CALY: variants seen among roughly 807,000 people sequenced by gnomAD.
The protein encoded by CALY is neuron-specific vesicular protein calcyon.
CALY carries 15 observed loss-of-function variants against 20.2 expected under a neutral mutation model. That is an observed-to-expected ratio of 0.74 (90% CI 0.50 to 1.14). CALY has a LOEUF of 1.14. Among genes scored for constraint, CALY ranks in the 50% most tolerant of loss-of-function variants. The pLI, the probability that CALY is intolerant of heterozygous loss-of-function variation, is 0.00. For synonymous variants in CALY, 129 were observed against 131.8 expected (o/e 0.98, Z 0.15); for missense variants, 270 against 304.4 (o/e 0.89, Z 0.84).
At position 133,324,265 on chromosome 10, in the gene CALY, C is replaced by T. The variant is rs1247723179; in HGVS notation, c.*1330G>A. 3 of 447,148 alleles carry T rather than the reference C, an allele frequency of 6.7e-6. No individual in the cohort carries two copies. The highest frequency in any genetic ancestry group is 3.1e-5 in the South Asian group (2 of 63,640). 27.7% of individuals were successfully genotyped at this position (447,148 alleles called of 1,614,324 possible). On this transcript the variant is annotated 3_prime_UTR_variant, in exon 6 of 6. Coordinates refer to ENST00000252939, the MANE Select transcript of CALY (RefSeq NM_015722.4). Reference sequence around the variant, plus strand: ...GCAGTGAAGGGTGTGGTGTGCATGGCCCTGCCTTCCCTGACCCCACCTGGC... The same window carrying T: ...GCAGTGAAGGGTGTGGTGTGCATGGTCCTGCCTTCCCTGACCCCACCTGGC...
Position 133,332,035 on chromosome 10 carries a change from G to A in CALY, c.-20-3026C>T, listed in dbSNP as rs1334983407. On this transcript the variant is annotated intron_variant, in intron 1 of 5. Transcript: ENST00000252939. ...CCAGAATCTCGGGAGGCTGAGGCAG[G>A]AGAATCCCTTGAACCTGGGAGGCAG... 4.6e-5 allele frequency among the ~76,000 whole-genome samples: 7 copies of A among 152,202 alleles called. No individual in the cohort carries two copies. The South Asian group carries it at 6.2e-4, about 14-fold the overall frequency.
intron 3 of CALY, 23 bp downstream of exon 3, chr10:133,327,882 G>C (rs1235389468): frequency 6.8e-7 from 1 of 1,469,952 alleles, no homozygotes; most frequent in South Asian, 1.2e-5. Flanking sequence ...AGTCCCCACA[G>C]TGGGTGGGGT....
chr10:133,328,717 G>A (rs976812935), intron 2 of CALY, 138 bp downstream of exon 2: 23 of 994,398 alleles, frequency 2.3e-5, no homozygotes, highest in Middle Eastern at 3.3e-4. Flanking sequence ...TGGCCAGCTG[G>A]GGCTTTGGCC....
chr10:133,329,389 C>CTTTTTTTTTTTTTTTT (rs1325679515), intron 1 of CALY, among the ~76,000 whole-genome samples: 20 of 99,608 alleles, frequency 2.0e-4, no homozygotes, highest in African/African-American at 7.7e-4. Context: ...TCTTCTTCTT[C>CTTTTTTTTTTTTTTTT]TTCTTTTTTT....
chr10:133,333,483 G>A (rs866184659), intron 1 of CALY, among the ~76,000 whole-genome samples: 3 of 149,142 alleles, frequency 2.0e-5, no homozygotes, highest in African/African-American at 5.0e-5. Flanking sequence ...TATGACGCGG[G>A]GGGAAGGATC....
At chr10:133,327,066 G>A (rs1848226624) in intron 3 of CALY, 75 bp from the exon 4 acceptor site, 1 of 1,001,358 alleles carries the variant, frequency 1.0e-6, no homozygotes, top group East Asian at 2.5e-5. Flanking sequence ...CAGGGGCTGG[G>A]CTGGCACAGG....
In CALY at chr10:133,327,885, G is replaced by T; in HGVS notation, c.246+20C>A. On this transcript the variant is annotated intron_variant, in intron 3 of 5. Transcript: ENST00000252939. ...CCTCCTGTCCTGAGTCCCCACAGTG[G>T]GTGGGGTGGGTGTGGTTACCCTGCG... The T allele has an allele frequency of 3.4e-6, 5 of 1,483,972 alleles. No homozygotes were observed. The highest frequency in any genetic ancestry group is 4.7e-6 in the Non-Finnish European group (5 of 1,063,662). The allele number at this position is 1,483,972 out of a possible 1,614,324, so 91.9% of individuals were successfully genotyped here.
chr10:133,335,342 C>T (rs1848420974), intron 1 of CALY, among the ~76,000 whole-genome samples: 1 of 152,158 alleles, frequency 6.6e-6, no homozygotes, highest in African/African-American at 2.4e-5. Flanking sequence ...CCCCGGAGGG[C>T]CCGCGCCAGG....
chr10:133,331,660 A>T (rs1205193534), intron 1 of CALY, among the ~76,000 whole-genome samples: 19 of 152,308 alleles, frequency 1.2e-4, no homozygotes, highest in Admixed American at 1.2e-3. Context: ...TAAATGGGGA[A>T]GGCTGTGGCT....
chr10:133,331,981 G>A (rs1194196432), intron 1 of CALY, among the ~76,000 whole-genome samples: 1 of 152,122 alleles, frequency 6.6e-6, no homozygotes, highest in African/African-American at 2.4e-5. Context: ...ACAAAAACTA[G>A]CCGGGCATGG....
At chr10:133,328,376 G>A (rs1386353430) in intron 2 of CALY, among the ~76,000 whole-genome samples, 1 of 152,164 alleles carries the variant, frequency 6.6e-6, no homozygotes, top group Non-Finnish European at 1.5e-5. Context: ...ACCTCCAGCA[G>A]GGACAACTCG....
intron 3 of CALY, chr10:133,327,521 T>C (rs1375064268): frequency 5.3e-6 from 3 of 571,188 alleles, no homozygotes; most frequent in East Asian, 5.7e-5. Flanking sequence ...CATTGACAGA[T>C]TTAAACAAGA....
Position 133,325,792 on chromosome 10 carries a change from C to A in CALY, c.*28+7G>T. 8.7e-7 allele frequency: 1 copy of A among 1,147,718 alleles called. No individual in the cohort carries two copies. The highest frequency in any genetic ancestry group is 4.4e-5 in the South Asian group (1 of 22,944). 71.1% of individuals were successfully genotyped at this position (1,147,718 alleles called of 1,614,324 possible). A position where few individuals can be genotyped will look rare whatever the true frequency, so the allele number is the denominator to read the frequency against. ...GAGCCGGCCGGAGCCCCGCGGCGCGCACCTACCCCGGGCCGGGCTGCGGGG... is the reference window on the plus strand; with the variant it reads ...GAGCCGGCCGGAGCCCCGCGGCGCGAACCTACCCCGGGCCGGGCTGCGGGG... On this transcript the variant is annotated splice_region_variant and intron_variant, in intron 5 of 5. Coordinates refer to ENST00000252939, the MANE Select transcript of CALY (RefSeq NM_015722.4).
At chr10:133,330,020 G>A (rs945301463) in intron 1 of CALY, among the ~76,000 whole-genome samples, 1 of 152,248 alleles carries the variant, frequency 6.6e-6, no homozygotes, top group African/African-American at 2.4e-5. Flanking sequence ...GGGGCTGGGA[G>A]AGGGCGGGCC....
intron 2 of CALY, 145 bp downstream of exon 2, chr10:133,328,710 C>T: frequency 1.1e-6 from 1 of 935,552 alleles, no homozygotes; most frequent in Non-Finnish European, 1.5e-6. Context: ...GTGCCCATGG[C>T]CAGCTGGGGC....
chr10:133,329,252 C>A (rs949846794), intron 1 of CALY, among the ~76,000 whole-genome samples: 7 of 152,224 alleles, frequency 4.6e-5, no homozygotes, highest in African/African-American at 1.7e-4. Flanking sequence ...GGGTACAGCG[C>A]CCCAACCAGT....
chr10:133,325,942 G>C lies in CALY; in HGVS notation c.539C>G (p.Thr180Ser), dbSNP rs1045237213. The C allele has an allele frequency of 2.8e-6, 4 of 1,451,104 alleles. No individual in the cohort carries two copies. The African/African-American group carries it at 5.9e-5, about 21-fold the overall frequency. 89.9% of individuals were successfully genotyped at this position (1,451,104 alleles called of 1,614,324 possible). Residue 180 changes from threonine (T) to serine (S), a missense_variant, in exon 5 of 6, where the codon ACC becomes AGC. Thr to Ser is a moderately conservative substitution (Grantham distance 58). Coordinates refer to ENST00000252939, the MANE Select transcript of CALY (RefSeq NM_015722.4). ...GGCCGCCGCCGCCGCCCCAGCCTGGGTGGGCCCCTTGCGCTCCTCCTTGGC... is the reference window on the plus strand; with the variant it reads ...GGCCGCCGCCGCCGCCCCAGCCTGGCTGGGCCCCTTGCGCTCCTCCTTGGC... ...RAAKEERKGPTQAGAAAAATE... is the reference protein window; with the variant it reads ...RAAKEERKGPSQAGAAAAATE...
At position 133,331,606 on chromosome 10, in the gene CALY, G is replaced by A. The variant is rs114544876; in HGVS notation, c.-20-2597C>T. Among the ~76,000 whole-genome samples, 589 of 152,268 alleles carry A rather than the reference G, an allele frequency of 3.9e-3. 5 individuals carry two copies. Among genetic ancestry groups the A allele is most frequent in the African/African-American group, 0.014 (568 of 41,534 alleles). ...GGGCAGGGCCTTCACATGGAATCCA[G>A]GAAACACTGTCGACAGAGACCAAGA... On this transcript the variant is annotated intron_variant, in intron 1 of 5. Coordinates refer to ENST00000252939, the MANE Select transcript of CALY (RefSeq NM_015722.4).
rs138631375 is a variant in CALY, at chr10:133,326,944, G to A, written c.294C>T (p.Cys98=). 2.1e-3 allele frequency: 3,410 copies of A among 1,611,238 alleles called. 9 individuals carry two copies. Among genetic ancestry groups the A allele is most frequent in the Middle Eastern group, 0.015 (90 of 6,056 alleles). The change falls in exon 4 of 6, where the codon TGC becomes TGT. Residue 98 remains cysteine (C), a synonymous_variant. Coordinates refer to ENST00000252939, the MANE Select transcript of CALY (RefSeq NM_015722.4). ...MIAFAMALLG[C]VLIMYKAIWY... ...AGATGGCCTTGTACATGATCAGCAC[G>A]CAGCCCAGTAGCGCCATGGCGAAGG...
Sources: gnomAD v4.1 joint callset for allele counts (sites outside exome capture counted in the v4.1 genomes callset) on GRCh38, gnomAD v4.1.1 for gene constraint, MANE v1.5 for transcripts, NCBI Gene and HGNC (gene_info 2026-07-23, HGNC 2026-07-21) for gene names.